ST6GALNAC3: variants seen among roughly 807,000 people sequenced by gnomAD.
ST6GALNAC3 encodes the protein ST6 N-acetylgalactosaminide alpha-2,6-sialyltransferase 3, also known as alpha-N-acetylgalactosaminide alpha-2,6-sialyltransferase 3.
In ST6GALNAC3, 25 loss-of-function variants were observed where a neutral mutation model predicts 32.7. The ratio of observed to expected loss-of-function variants is 0.76; its 90% confidence interval spans 0.56 to 1.07. ST6GALNAC3 has a LOEUF of 1.07. Among genes scored for constraint, ST6GALNAC3 ranks in the 50% least tolerant of loss-of-function variants. The pLI, the probability that ST6GALNAC3 is intolerant of heterozygous loss-of-function variation, is 0.00. For missense variants in ST6GALNAC3, 355 were observed against 382.4 expected, an observed-to-expected ratio of 0.93 and a Z score of 0.60; for synonymous variants, 129 against 133.1, an observed-to-expected ratio of 0.97 and a Z score of 0.21.
At chr1:76,475,925 C>A (rs1228956895) in intron 3 of ST6GALNAC3, among the ~76,000 whole-genome samples, 1 of 152,118 alleles carries the variant, frequency 6.6e-6, no homozygotes, top group African/African-American at 2.4e-5. Flanking sequence ...GTTCAACTCC[C>A]ACTTATAGGT....
chr1:76,269,700 T>G (rs769351149), intron 1 of ST6GALNAC3, among the ~76,000 whole-genome samples: 2 of 152,228 alleles, frequency 1.3e-5, no homozygotes, highest in African/African-American at 2.4e-5. Flanking sequence ...ACATGCCATG[T>G]GCTGATCAGC....
chr1:76,520,487 TACACACAC>T (rs1006559711), intron 3 of ST6GALNAC3, among the ~76,000 whole-genome samples: 4 of 150,922 alleles, frequency 2.7e-5, no homozygotes, highest in African/African-American at 9.7e-5. Context: ...CATACACACA[TACACACAC>T]ACACACAATA....
chr1:76,627,334 C>A, intron 3 of ST6GALNAC3, 118 bp from the exon 4 acceptor site: 1 of 663,712 alleles, frequency 1.5e-6, no homozygotes, highest in Non-Finnish European at 2.7e-6. Context: ...ACTCTTTTTC[C>A]TGATAACAAG....
intron 1 of ST6GALNAC3, among the ~76,000 whole-genome samples, chr1:76,102,557 T>TA (rs1166445255): frequency 6.6e-6 from 1 of 152,120 alleles, no homozygotes; most frequent in African/African-American, 2.4e-5. Flanking sequence ...TTTATTTGTC[T>TA]ATTACCTTGG....
chr1:76,342,109 T>C (rs1369956923), intron 2 of ST6GALNAC3, among the ~76,000 whole-genome samples: 6 of 152,186 alleles, frequency 3.9e-5, no homozygotes, highest in Non-Finnish European at 8.8e-5. Flanking sequence ...CAGTCTATCA[T>C]TGATGAGCGT....
Position 76,259,867 on chromosome 1 carries a change from G to T in ST6GALNAC3, c.19-53938G>T, listed in dbSNP as rs190968035. On this transcript the variant is annotated intron_variant, in intron 1 of 4. Transcript: ENST00000328299. The stretch of plus-strand genomic sequence containing the variant: ...AGAAACCCCTTTCCAAAATTTAAAT[G>T]ACCCCCTTCATTCCCTTCATTTACA... Among the ~76,000 whole-genome samples the T allele has an allele frequency of 1.7e-3, 264 of 152,168 alleles. 2 individuals carry two copies. Among genetic ancestry groups the T allele is most frequent in the African/African-American group, 6.1e-3 (255 of 41,526 alleles).
chr1:76,530,413 C>G (rs1663181586), intron 3 of ST6GALNAC3, among the ~76,000 whole-genome samples: 1 of 152,160 alleles, frequency 6.6e-6, no homozygotes. Flanking sequence ...GTTCATTATA[C>G]TTGAAAAATG....
At chr1:76,276,193 A>ATG (rs750909059) in intron 1 of ST6GALNAC3, among the ~76,000 whole-genome samples, 1 of 150,210 alleles carries the variant, frequency 6.7e-6, no homozygotes, top group East Asian at 1.9e-4. Context: ...TATATGTACT[A>ATG]TATATATATA....
chr1:76,232,350 A>G (rs1359362679), intron 1 of ST6GALNAC3, among the ~76,000 whole-genome samples: 3 of 152,110 alleles, frequency 2.0e-5, no homozygotes, highest in Non-Finnish European at 4.4e-5. Context: ...GTTGGAGGGA[A>G]TAGTACTGGA....
chr1:76,194,844 A>C (rs1450223978), intron 1 of ST6GALNAC3, among the ~76,000 whole-genome samples: 2 of 152,218 alleles, frequency 1.3e-5, no homozygotes, highest in African/African-American at 2.4e-5. Flanking sequence ...CTGAAACGGA[A>C]TCAATGAACT....
At position 76,151,474 on chromosome 1, in the gene ST6GALNAC3, AGT is replaced by A. The variant is rs562583195; in HGVS notation, c.18+76593_18+76594del. ...TGGGTTCCCACAGAGGCAGGATTCCAGTGTACATAGTTTATGTGGGAGATGAT... is the reference window on the plus strand; with the variant it reads ...TGGGTTCCCACAGAGGCAGGATTCCAGTACATAGTTTATGTGGGAGATGAT... On this transcript the variant is annotated intron_variant, in intron 1 of 4. Coordinates refer to ENST00000328299, the MANE Select transcript of ST6GALNAC3 (RefSeq NM_152996.4). 5.0e-3 allele frequency among the ~76,000 whole-genome samples: 754 copies of A among 152,318 alleles called. 8 individuals are homozygous for A. Among genetic ancestry groups the A allele is most frequent in the African/African-American group, 0.017 (694 of 41,582 alleles).
chr1:76,204,946 G>A (rs768426887), intron 1 of ST6GALNAC3, among the ~76,000 whole-genome samples: 1 of 152,140 alleles, frequency 6.6e-6, no homozygotes, highest in Non-Finnish European at 1.5e-5. Flanking sequence ...ATGCAAATGT[G>A]CTTAGGAAAA....
At chr1:76,091,390 C>T (rs1177720611) in intron 1 of ST6GALNAC3, among the ~76,000 whole-genome samples, 2 of 152,194 alleles carry the variant, frequency 1.3e-5, no homozygotes, top group African/African-American at 4.8e-5. Flanking sequence ...TGCTTGTTAT[C>T]TGAAGATGTA....
At chr1:76,155,215 G>C (rs912410908) in intron 1 of ST6GALNAC3, among the ~76,000 whole-genome samples, 3 of 152,032 alleles carry the variant, frequency 2.0e-5, no homozygotes, top group Non-Finnish European at 4.4e-5. Context: ...CTGGACCTTT[G>C]AACCTAAATT....
At chr1:76,599,230 T>G (rs79421914) in intron 3 of ST6GALNAC3, among the ~76,000 whole-genome samples, 1 of 6,154 alleles carries the variant, frequency 1.6e-4, no homozygotes, top group Non-Finnish European at 3.4e-4. Flanking sequence ...AGATTTTGTG[T>G]TTTTTTTTTA....
chr1:76,164,252 A>C (rs1651988108), intron 1 of ST6GALNAC3, among the ~76,000 whole-genome samples: 1 of 152,158 alleles, frequency 6.6e-6, no homozygotes, highest in South Asian at 2.1e-4. Context: ...TGGGCAGCCC[A>C]TTCCAAGGAG....
At chr1:76,216,280 A>G (rs1655458077) in intron 1 of ST6GALNAC3, among the ~76,000 whole-genome samples, 1 of 152,184 alleles carries the variant, frequency 6.6e-6, no homozygotes, top group East Asian at 1.9e-4. Context: ...ACGCACAGAC[A>G]CAGACTCACA....
chr1:76,183,912 C>T (rs1266946166), intron 1 of ST6GALNAC3, among the ~76,000 whole-genome samples: 1 of 131,598 alleles, frequency 7.6e-6, no homozygotes, highest in East Asian at 2.1e-4. Context: ...TTATTGAAAC[C>T]TACTTTTATT....
intron 1 of ST6GALNAC3, among the ~76,000 whole-genome samples, chr1:76,077,820 GCT>G (rs1250781398): frequency 6.6e-6 from 1 of 152,158 alleles, no homozygotes; most frequent in African/African-American, 2.4e-5. Context: ...ATTGCCTTTA[GCT>G]CAAAATAATC....
Sources: allele counts gnomAD v4.1 joint callset (sites outside exome capture counted in the v4.1 genomes callset), GRCh38; gene constraint gnomAD v4.1.1; transcripts MANE v1.5; gene names NCBI Gene and HGNC (gene_info 2026-07-23, HGNC 2026-07-21).